RBMS3: variants seen among roughly 807,000 people sequenced by gnomAD.
The protein encoded by RBMS3 is RNA-binding motif, single-stranded-interacting protein 3.
RBMS3 carries 27 observed loss-of-function variants against 66.8 expected under a neutral mutation model. The ratio of observed to expected loss-of-function variants is 0.40; its 90% CI spans 0.30 to 0.56. RBMS3 has a LOEUF of 0.56. RBMS3 is among the 20% of genes least tolerant of loss of function. RBMS3 has a pLI of 0.40. For missense variants in RBMS3, 513 were observed against 549.5 expected, an observed-to-expected ratio of 0.93 and a Z score of 0.66; for synonymous variants, 188 against 183.0, an observed-to-expected ratio of 1.03 and a Z score of -0.22.
chr3:29,676,364 T>C (rs1445389639), intron 4 of RBMS3, among the ~76,000 whole-genome samples: 2 of 152,192 alleles, frequency 1.3e-5, no homozygotes, highest in African/African-American at 2.4e-5. Flanking sequence ...ACATGGCACA[T>C]GTATACATAT....
At chr3:29,515,177 G>T (rs73828687) in intron 3 of RBMS3, among the ~76,000 whole-genome samples, 2,442 of 152,304 alleles carry the variant, frequency 0.016, 67 homozygotes, top group African/African-American at 0.057. Flanking sequence ...GAGGAAGGTA[G>T]TATTTGAGCT....
chr3:29,409,318 A>T (rs1380608118), intron 1 of RBMS3, among the ~76,000 whole-genome samples: 1 of 126,332 alleles, frequency 7.9e-6, no homozygotes, highest in Non-Finnish European at 1.6e-5. Flanking sequence ...GCACCTCAGT[A>T]CTTCTCTACC....
At chr3:29,958,903 TTAAA>T (rs1696220684) in intron 12 of RBMS3, among the ~76,000 whole-genome samples, 1 of 152,156 alleles carries the variant, frequency 6.6e-6, no homozygotes, top group Admixed American at 6.6e-5. Flanking sequence ...TGCATTCTTG[TTAAA>T]TAAAGCATGA....
chr3:29,883,515 T>C (rs2059785305), intron 7 of RBMS3, among the ~76,000 whole-genome samples: 1 of 152,076 alleles, frequency 6.6e-6, no homozygotes, highest in South Asian at 2.1e-4. Flanking sequence ...TATCCAGTTA[T>C]AGAGAAGTGT....
intron 4 of RBMS3, among the ~76,000 whole-genome samples, chr3:29,663,452 T>G (rs919324187): frequency 6.6e-6 from 1 of 152,218 alleles, no homozygotes; most frequent in African/African-American, 2.4e-5. Context: ...ATTAATAAAG[T>G]GGCCATGGAG....
chr3:29,569,949 G>A (rs2046889022), intron 3 of RBMS3, among the ~76,000 whole-genome samples: 1 of 141,860 alleles, frequency 7.0e-6, no homozygotes, highest in Non-Finnish European at 1.5e-5. Flanking sequence ...GGATTATAGA[G>A]ATCCATATTT....
chr3:29,288,848 T>C (rs995024480), intron 1 of RBMS3, among the ~76,000 whole-genome samples: 13 of 151,994 alleles, frequency 8.6e-5, no homozygotes, highest in African/African-American at 3.1e-4. Context: ...ACCTCAGCTA[T>C]ACTGTAGTAT....
chr3:29,572,526 A>G (rs1183782756), intron 3 of RBMS3, among the ~76,000 whole-genome samples: 1 of 152,164 alleles, frequency 6.6e-6, no homozygotes, highest in Non-Finnish European at 1.5e-5. Flanking sequence ...CAAAATGATC[A>G]TATGGTTGTT....
chr3:29,823,957 G>A (rs765348200), intron 6 of RBMS3, among the ~76,000 whole-genome samples: 9 of 152,010 alleles, frequency 5.9e-5, no homozygotes, highest in Non-Finnish European at 1.0e-4. Context: ...GAGAGTTCCA[G>A]TTTCTCCACA....
intron 3 of RBMS3, among the ~76,000 whole-genome samples, chr3:29,582,282 G>C (rs1043177442): frequency 6.6e-6 from 1 of 152,046 alleles, no homozygotes; most frequent in African/African-American, 2.4e-5. Context: ...TAACACACAG[G>C]GTTTAAAACA....
chr3:29,444,523 AAGGACAACC>A, intron 2 of RBMS3, among the ~76,000 whole-genome samples: 1 of 152,210 alleles, frequency 6.6e-6, no homozygotes, highest in South Asian at 2.1e-4. Flanking sequence ...CAGTATGGTA[AAGGACAACC>A]AGGAGTGCAG....
At chr3:29,493,273 G>A (rs2043618745) in intron 3 of RBMS3, among the ~76,000 whole-genome samples, 1 of 152,214 alleles carries the variant, frequency 6.6e-6, no homozygotes, top group African/African-American at 2.4e-5. Flanking sequence ...ATGGAGCTAT[G>A]TAAATATTTG....
chr3:29,295,305 C>CACACATATA (rs1559467244), intron 1 of RBMS3, among the ~76,000 whole-genome samples: 1 of 4,654 alleles, frequency 2.1e-4, no homozygotes, highest in African/African-American at 5.1e-4. Flanking sequence ...ACATATATAT[C>CACACATATA]TATATATATA....
At chr3:29,667,006 G>A (rs948407344) in intron 4 of RBMS3, among the ~76,000 whole-genome samples, 2 of 152,174 alleles carry the variant, frequency 1.3e-5, no homozygotes, top group South Asian at 2.1e-4. Flanking sequence ...GCCCTGTCTT[G>A]TACTCAATAA....
At chr3:29,366,604 G>C (rs2037921012) in intron 1 of RBMS3, among the ~76,000 whole-genome samples, 1 of 151,858 alleles carries the variant, frequency 6.6e-6, no homozygotes, top group African/African-American at 2.4e-5. Context: ...AGCTGATCTG[G>C]GATCAAGCGA....
chr3:29,542,561 A>G (rs549503548), intron 3 of RBMS3, among the ~76,000 whole-genome samples: 26 of 152,214 alleles, frequency 1.7e-4, no homozygotes, highest in South Asian at 8.3e-4. Flanking sequence ...GGGTTTCACC[A>G]TGTTGGCCAG....
At chr3:29,641,294 C>G (rs1220208570) in intron 4 of RBMS3, 1 of 151,972 alleles carries the variant, frequency 6.6e-6, no homozygotes, top group Non-Finnish European at 1.5e-5. Context: ...ATTTGTAAAG[C>G]AGTATCATAC....
At chr3:29,550,477 G>A (rs2046143084) in intron 3 of RBMS3, among the ~76,000 whole-genome samples, 1 of 152,020 alleles carries the variant, frequency 6.6e-6, no homozygotes, top group African/African-American at 2.4e-5. Flanking sequence ...ATGATTTAGT[G>A]TAATAATAGT....
At chr3:29,399,223 A>T (rs1174670455) in intron 1 of RBMS3, among the ~76,000 whole-genome samples, 1 of 151,706 alleles carries the variant, frequency 6.6e-6, no homozygotes, top group Non-Finnish European at 1.5e-5. Flanking sequence ...GTGTGTGTGT[A>T]TATATATATA....
Sources: gnomAD v4.1 joint callset for allele counts (sites outside exome capture counted in the v4.1 genomes callset) on GRCh38, gnomAD v4.1.1 for gene constraint, MANE v1.5 for transcripts, NCBI Gene and HGNC (gene_info 2026-07-23, HGNC 2026-07-21) for gene names.